B3GAT1: variants seen among roughly 807,000 people sequenced by gnomAD.
The protein encoded by B3GAT1 is beta-1,3-glucuronyltransferase 1.
In B3GAT1, 11 loss-of-function variants were observed where a neutral mutation model predicts 28.4. That is an observed-to-expected ratio of 0.39 (90% CI 0.24 to 0.64). The LOEUF (loss-of-function observed/expected upper bound fraction) is 0.64, where lower values mean the gene tolerates loss of function less well. Ranked by LOEUF, B3GAT1 falls within the 30% of genes least tolerant of loss-of-function variation. B3GAT1 has a pLI of 0.50. For missense variants in B3GAT1, 375 were observed against 491.0 expected (o/e 0.76, Z 2.23); for synonymous variants, 255 against 223.1 (o/e 1.14, Z -1.27).
In B3GAT1 at chr11:134,383,018, G is replaced by C. The variant is rs529740294; in HGVS notation, c.622-12C>G. 8 of 1,537,432 alleles carry C rather than the reference G, an allele frequency of 5.2e-6. No homozygotes were observed. In the Admixed American group the frequency reaches 5.7e-5, roughly 11 times the overall value. On this transcript the variant is annotated splice_polypyrimidine_tract_variant and intron_variant, in intron 3 of 5. Coordinates refer to ENST00000312527, the MANE Select transcript of B3GAT1 (RefSeq NM_054025.3). The stretch of plus-strand genomic sequence containing the variant: ...CTGGTGCTGCGCATCTACAAGGGGG[G>C]GGTCCAGAGTCAGGGCGCCGGCACT...
rs1204903884 is a variant in B3GAT1, at chr11:134,412,194, C to G, written c.-669G>C. 2.1e-4 allele frequency among the ~76,000 whole-genome samples: 31 copies of G among 144,402 alleles called. No homozygotes were observed. The highest frequency in any genetic ancestry group is 7.5e-4 in the African/African-American group (30 of 40,090). The allele number at this position is 144,402 out of a possible 152,430, so 94.7% of individuals were successfully genotyped here. ...GCCGGAGCCGAGCCGACCGGGCCGG[C>G]GCAGAGTCCCCGAGGTGGCGGCGGA... On this transcript the variant is annotated 5_prime_UTR_variant, in exon 1 of 6. Coordinates refer to ENST00000312527, the MANE Select transcript of B3GAT1 (RefSeq NM_054025.3).
At chr11:134,405,534 G>A (rs1179708002) in intron 1 of B3GAT1, among the ~76,000 whole-genome samples, 2 of 152,200 alleles carry the variant, frequency 1.3e-5, no homozygotes, top group East Asian at 1.9e-4. Flanking sequence ...GGATAGTTGA[G>A]GTTGGTTTTC....
chr11:134,387,445 T>C, intron 2 of B3GAT1, 103 bp downstream of exon 2: 1 of 1,475,520 alleles, frequency 6.8e-7, no homozygotes. Flanking sequence ...CCGTGGTTCC[T>C]CCTAGCTGCT....
chr11:134,381,210 TGGAA>T (rs1944114725), intron 5 of B3GAT1, among the ~76,000 whole-genome samples: 1 of 152,244 alleles, frequency 6.6e-6, no homozygotes, highest in Admixed American at 6.5e-5. Context: ...TGTGTCACCT[TGGAA>T]CATTCATTTA....
chr11:134,381,792 G>A (rs1367112172), intron 5 of B3GAT1, 132 bp downstream of exon 5: 10 of 693,930 alleles, frequency 1.4e-5, no homozygotes, highest in Admixed American at 6.6e-5. Context: ...TGGTGACGAC[G>A]CCCTCCACTC....
intron 1 of B3GAT1, among the ~76,000 whole-genome samples, chr11:134,406,700 C>T (rs1330362708): frequency 6.6e-6 from 1 of 152,204 alleles, no homozygotes; most frequent in Admixed American, 6.5e-5. Flanking sequence ...ACTGTAATGA[C>T]TCATTTCCTC....
At chr11:134,382,547 C>T (rs1454318618) in intron 4 of B3GAT1, among the ~76,000 whole-genome samples, 163 bp downstream of exon 4, 2 of 152,216 alleles carry the variant, frequency 1.3e-5, no homozygotes, top group African/African-American at 2.4e-5. Context: ...CCTGCCTGTC[C>T]GCAGTGTCGC....
At chr11:134,401,991 A>G (rs1591648671) in intron 1 of B3GAT1, among the ~76,000 whole-genome samples, 1 of 126,534 alleles carries the variant, frequency 7.9e-6, no homozygotes, top group Non-Finnish European at 1.6e-5. Flanking sequence ...GGGCAGCCTG[A>G]CCACTGTCGG....
chr11:134,402,354 T>A (rs1032058075), intron 1 of B3GAT1, among the ~76,000 whole-genome samples: 3 of 152,076 alleles, frequency 2.0e-5, no homozygotes, highest in Non-Finnish European at 4.4e-5. Context: ...AGATTCCCCA[T>A]CCCTCTTCTC....
Position 134,406,412 on chromosome 11 carries a change from T to C in B3GAT1, c.-282+5395A>G, listed in dbSNP as rs572445543. Among the ~76,000 whole-genome samples the C allele has an allele frequency of 7.2e-5, 11 of 152,184 alleles. No individual in the cohort carries two copies. In the South Asian group the frequency reaches 2.3e-3, roughly 32 times the overall value. On this transcript the variant is annotated intron_variant, in intron 1 of 5. Coordinates refer to ENST00000312527, the MANE Select transcript of B3GAT1 (RefSeq NM_054025.3). ...CTGGCTGCGTCTGCACAAAGCAAGG[T>C]TGCTTTCCTCATCTCATTCTAGCTC...
Position 134,379,291 on chromosome 11 carries a change from T to C in B3GAT1, c.*1471A>G, listed in dbSNP as rs929976249. 7.0e-6 allele frequency: 1 copy of C among 143,642 alleles called. No homozygotes were observed. The highest frequency in any genetic ancestry group is 1.5e-5 in the Non-Finnish European group (1 of 65,594). The allele number at this position is 143,642 out of a possible 1,614,324, so 8.9% of individuals were successfully genotyped here. ...TCAGACCTCTCCTGGTGAGTCTTAA[T>C]GGGGTGGGAGGCTGTTAGTTAAAAA... is the stretch of plus-strand genomic sequence containing the variant. On this transcript the variant is annotated 3_prime_UTR_variant, in exon 6 of 6. Coordinates refer to ENST00000312527, the MANE Select transcript of B3GAT1 (RefSeq NM_054025.3).
rs368383710 is a variant in B3GAT1 at position 134,384,199 on chromosome 11, G to C, written c.113-11C>G. 2.6e-6 allele frequency: 4 copies of C among 1,525,764 alleles called. No individual in the cohort carries two copies. Among genetic ancestry groups the C allele is most frequent in the Non-Finnish European group, 3.5e-6 (4 of 1,137,604 alleles). 94.5% of individuals were successfully genotyped at this position (1,525,764 alleles called of 1,614,324 possible). A position where few individuals can be genotyped will look rare whatever the true frequency, so the allele number is the denominator to read the frequency against. ...GGTCACTGCCCTCATCTGCGGAGTC[G>C]GGAGACCGGCGATGTGGGAGGAGAG... is the stretch of plus-strand genomic sequence containing the variant. On this transcript the variant is annotated splice_polypyrimidine_tract_variant and intron_variant, in intron 2 of 5. Transcript: ENST00000312527.
chr11:134,400,721 C>T (rs969199155), intron 1 of B3GAT1, among the ~76,000 whole-genome samples: 2 of 152,168 alleles, frequency 1.3e-5, no homozygotes, highest in African/African-American at 4.8e-5. Context: ...ATTCTTATGG[C>T]TAAGTCCTCA....
At chr11:134,388,175 C>G in intron 1 of B3GAT1, 1 of 323,322 alleles carries the variant, frequency 3.1e-6, no homozygotes, top group East Asian at 7.6e-5. Flanking sequence ...GTGCAGGGGT[C>G]AGAAGCACAG....
In B3GAT1 at chr11:134,394,460, C is replaced by T. The variant is rs182680952; in HGVS notation, c.-281-6520G>A. Among the ~76,000 whole-genome samples the T allele has an allele frequency of 9.3e-3, 1,413 of 152,348 alleles. 18 individuals are homozygous for T. The highest frequency in any genetic ancestry group is 0.024 in the Middle Eastern group (7 of 294). On this transcript the variant is annotated intron_variant, in intron 1 of 5. Transcript: ENST00000312527. ...CCCACACCACGTCCCCCTGCAGACCCTCCCCTGGCCCACCCTCGTGCCCAC... is the reference window on the plus strand; with the variant it reads ...CCCACACCACGTCCCCCTGCAGACCTTCCCCTGGCCCACCCTCGTGCCCAC...
At chr11:134,382,053 G>A in intron 4 of B3GAT1, 29 bp from the exon 5 acceptor site, 1 of 1,606,726 alleles carries the variant, frequency 6.2e-7, no homozygotes, top group Non-Finnish European at 8.5e-7. Context: ...AAAACATGGT[G>A]GGACAGGCCC....
chr11:134,394,453 G>A (rs913736064), intron 1 of B3GAT1, among the ~76,000 whole-genome samples: 96 of 152,272 alleles, frequency 6.3e-4, no homozygotes, highest in African/African-American at 2.3e-3. Context: ...ACGTCCCCCT[G>A]CAGACCCTCC....
chr11:134,389,696 G>GATAC (rs1444787550), intron 1 of B3GAT1: 1 of 152,342 alleles, frequency 6.6e-6, no homozygotes, highest in Non-Finnish European at 1.5e-5. Flanking sequence ...CCCAGTGTTG[G>GATAC]ATACGGACAG....
In B3GAT1 at chr11:134,412,091, G is replaced by A. The variant is rs1356949781; in HGVS notation, c.-566C>T. Among the ~76,000 whole-genome samples the A allele has an allele frequency of 6.0e-5, 4 of 66,618 alleles. No individual in the cohort carries two copies. Among genetic ancestry groups the A allele is most frequent in the African/African-American group, 1.0e-4 (2 of 19,582 alleles). The allele number at this position is 66,618 out of a possible 152,430, so 43.7% of individuals were successfully genotyped here. On this transcript the variant is annotated 5_prime_UTR_variant, in exon 1 of 6. Coordinates refer to ENST00000312527, the MANE Select transcript of B3GAT1 (RefSeq NM_054025.3). ...GGAGGGCGCGGGCAGGGAGGCGGGG[G>A]GCGGGGGGCGGGGAGGGGGAGCGGG...
Sources: gnomAD v4.1 joint callset for allele counts (sites outside exome capture counted in the v4.1 genomes callset) on GRCh38, gnomAD v4.1.1 for gene constraint, MANE v1.5 for transcripts, NCBI Gene and HGNC (gene_info 2026-07-23, HGNC 2026-07-21) for gene names.